The following TRMT11 variants were observed in gnomAD, a reference collection of about 807,000 sequenced individuals.
TRMT11 encodes the protein tRNA (guanine(10)-N(2))-methyltransferase TRMT11.
TRMT11 carries 53 observed loss-of-function variants against 62.8 expected under a neutral mutation model. That is an observed-to-expected ratio of 0.84 (90% confidence interval 0.68 to 1.06). The LOEUF (loss-of-function observed/expected upper bound fraction) is 1.06, where lower values mean the gene tolerates loss of function less well. Among genes scored for constraint, TRMT11 ranks in the 50% least tolerant of loss-of-function variants. The pLI is 0.00. For synonymous variants in TRMT11, 188 were observed against 190.3 expected, an observed-to-expected ratio of 0.99 and a Z score of 0.10; for missense variants, 556 against 553.4, an observed-to-expected ratio of 1.00 and a Z score of -0.05.
At chr6:126,031,804 G>A (rs1774249825) in intron 12 of TRMT11, among the ~76,000 whole-genome samples, 1 of 152,144 alleles carries the variant, frequency 6.6e-6, no homozygotes, top group Non-Finnish European at 1.5e-5. Flanking sequence ...AGTGGCAGAA[G>A]CTCTGTGTTC....
the TRMT11 span, among the ~76,000 whole-genome samples, chr6:126,271,063 T>G: frequency 2.0e-5 from 3 of 152,070 alleles, no homozygotes; most frequent in African/African-American, 7.2e-5. Flanking sequence ...GAAATCTTGC[T>G]TCATAGAAAG....
chr6:126,064,037 A>G (rs1173470364), intron 17 of TRMT11, among the ~76,000 whole-genome samples: 3 of 152,176 alleles, frequency 2.0e-5, no homozygotes, highest in Non-Finnish European at 2.9e-5. Context: ...TGAAGCTGCC[A>G]TTGCAGGGTT....
chr6:126,158,981 A>G (rs1489319730), intron 21 of TRMT11, among the ~76,000 whole-genome samples: 2 of 152,142 alleles, frequency 1.3e-5, no homozygotes, highest in Non-Finnish European at 1.5e-5. Context: ...TCTGTGAAAC[A>G]TTACTTAGGT....
At chr6:126,246,975 A>G in the TRMT11 span, among the ~76,000 whole-genome samples, 8 of 152,304 alleles carry the variant, frequency 5.3e-5, no homozygotes, top group African/African-American at 9.6e-5. Flanking sequence ...GCTGCGGTGA[A>G]GGTAGAAGTC....
intron 21 of TRMT11, among the ~76,000 whole-genome samples, chr6:126,168,088 A>G (rs762424840): frequency 2.6e-5 from 4 of 152,364 alleles, no homozygotes; most frequent in Non-Finnish European, 4.4e-5. Context: ...ACTCAGCTAC[A>G]GTGGAGCCTC....
At chr6:126,231,292 G>A in the TRMT11 span, among the ~76,000 whole-genome samples, 5 of 152,074 alleles carry the variant, frequency 3.3e-5, no homozygotes, top group Non-Finnish European at 5.9e-5. Flanking sequence ...CATTTAAACT[G>A]CATGGATCCA....
In TRMT11 at chr6:126,057,141, A is replaced by G. The variant is rs73773351; in HGVS notation, c.*1437+3951A>G. Among the ~76,000 whole-genome samples the G allele has an allele frequency of 5.2e-3, 793 of 152,346 alleles. 4 individuals are homozygous for G. The highest frequency in any genetic ancestry group is 0.018 in the African/African-American group (746 of 41,560). On this transcript the variant is annotated intron_variant and NMD_transcript_variant, in intron 17 of 22. Transcript: ENST00000648977. ...TCTTGAGCATTATCTTTCTTTTGCA[A>G]AGCAGCCTGAGCAAAGCTGCAGGAT...
intron 16 of TRMT11, among the ~76,000 whole-genome samples, chr6:126,048,151 G>A (rs908568335): frequency 7.9e-5 from 12 of 152,150 alleles, no homozygotes; most frequent in Admixed American, 4.6e-4. Context: ...ATACATTTAG[G>A]TGGCATTTAG....
At chr6:126,011,227 C>A (rs781447435) in intron 8 of TRMT11, 26 bp from the exon 9 acceptor site, 1 of 1,590,754 alleles carries the variant, frequency 6.3e-7, no homozygotes, top group Non-Finnish European at 8.6e-7. Flanking sequence ...TTAATACTTT[C>A]TCTCTTCCTT....
chr6:126,092,706 A>G (rs1300977510), intron 17 of TRMT11, among the ~76,000 whole-genome samples: 2 of 152,094 alleles, frequency 1.3e-5, no homozygotes, highest in Non-Finnish European at 2.9e-5. Flanking sequence ...TACTTTTGTT[A>G]TGATATTTGG....
At chr6:126,008,940 G>A (rs1340486074) in intron 8 of TRMT11, among the ~76,000 whole-genome samples, 1 of 151,752 alleles carries the variant, frequency 6.6e-6, no homozygotes, top group African/African-American at 2.4e-5. Flanking sequence ...AGACTTCATT[G>A]GGTATCTACT....
intron 17 of TRMT11, among the ~76,000 whole-genome samples, chr6:126,084,428 G>T (rs1777191283): frequency 1.3e-5 from 2 of 151,960 alleles, no homozygotes; most frequent in Admixed American, 1.3e-4. Flanking sequence ...ATAATCAGGT[G>T]ATTTGTTTTT....
intron 16 of TRMT11, among the ~76,000 whole-genome samples, chr6:126,047,385 G>C (rs191702549): frequency 6.6e-6 from 1 of 151,914 alleles, no homozygotes; most frequent in East Asian, 2.0e-4. Context: ...TTTGGCTGGA[G>C]ATGGTTGGAG....
At chr6:125,995,458 AAT>A (rs1173671259) in intron 2 of TRMT11, among the ~76,000 whole-genome samples, 2 of 152,294 alleles carry the variant, frequency 1.3e-5, no homozygotes, top group East Asian at 3.9e-4. Flanking sequence ...CCCTAGATAA[AAT>A]ATAAAATAGT....
chr6:126,146,290 C>G (rs1777973682), intron 21 of TRMT11, among the ~76,000 whole-genome samples: 1 of 152,148 alleles, frequency 6.6e-6, no homozygotes, highest in South Asian at 2.1e-4. Context: ...CAGAAGTTGC[C>G]TAGCTCTAAT....
the TRMT11 span, among the ~76,000 whole-genome samples, chr6:126,254,478 A>G: frequency 1.3e-5 from 2 of 152,250 alleles, no homozygotes; most frequent in Non-Finnish European, 2.9e-5. Flanking sequence ...GAGATTACAA[A>G]TAGAATAAAA....
At chr6:126,027,289 C>T (rs565333412) in intron 12 of TRMT11, among the ~76,000 whole-genome samples, 34 of 152,246 alleles carry the variant, frequency 2.2e-4, no homozygotes, top group African/African-American at 7.9e-4. Context: ...TTTTCAATGA[C>T]GGTCACCTGA....
chr6:126,026,207 A>G (rs1773047021), intron 12 of TRMT11, among the ~76,000 whole-genome samples: 1 of 152,192 alleles, frequency 6.6e-6, no homozygotes, highest in Non-Finnish European at 1.5e-5. Context: ...GAAATGAGGA[A>G]GAGTAGCCTG....
chr6:126,026,818 T>C (rs1232768796), intron 12 of TRMT11, among the ~76,000 whole-genome samples: 1 of 150,088 alleles, frequency 6.7e-6, no homozygotes, highest in East Asian at 1.9e-4. Context: ...TTTTTTTTTT[T>C]TTGAGACGGA....
Sources: gnomAD v4.1 joint callset for allele counts (sites outside exome capture counted in the v4.1 genomes callset) on GRCh38, gnomAD v4.1.1 for gene constraint, MANE v1.5 for transcripts, NCBI Gene and HGNC (gene_info 2026-07-23, HGNC 2026-07-21) for gene names.